NQO2: variants seen among roughly 807,000 people sequenced by gnomAD.
NQO2 encodes the protein N-ribosyldihydronicotinamide:quinone dehydrogenase 2.
Under a neutral mutation model 22.0 loss-of-function variants are expected in NQO2, and 18 were observed. That is an observed-to-expected ratio of 0.82 (90% CI 0.56 to 1.21). NQO2 has a LOEUF of 1.21. NQO2 is among the 50% of genes most tolerant of loss of function. The probability of loss-of-function intolerance (pLI) is 0.00; values close to 1 mark genes in which losing one functional copy is unlikely to be tolerated. For synonymous variants in NQO2, 106 were observed against 110.8 expected (o/e 0.96, Z 0.28); for missense variants, 267 against 286.9 (o/e 0.93, Z 0.50).
chr6:3,018,856 A>C (rs1757430303), intron 6 of NQO2, among the ~76,000 whole-genome samples: 1 of 151,120 alleles, frequency 6.6e-6, no homozygotes, highest in Non-Finnish European at 1.5e-5. Context: ...AGTTTGCAGA[A>C]GTACATATTA....
At chr6:3,016,168 C>T (rs927340875) in intron 5 of NQO2, among the ~76,000 whole-genome samples, 8 of 152,176 alleles carry the variant, frequency 5.3e-5, no homozygotes, top group African/African-American at 9.7e-5. Context: ...CAGTGGCTCA[C>T]GCCTGTAATC....
intron 1 of NQO2, chr6:3,005,528 T>C: frequency 2.5e-6 from 1 of 396,216 alleles, no homozygotes; most frequent in Non-Finnish European, 3.4e-6. Flanking sequence ...TTACTGACCA[T>C]TCATACATCT....
At chr6:3,010,829 A>C (rs73718911) in intron 3 of NQO2, among the ~76,000 whole-genome samples, 4 of 152,214 alleles carry the variant, frequency 2.6e-5, no homozygotes, top group South Asian at 2.1e-4. Flanking sequence ...CTACCATGCT[A>C]TCCCCTTTGG....
At position 3,006,934 on chromosome 6, in the gene NQO2, G is replaced by T; in HGVS notation, c.7+375G>T. ...GTGAATGAACCCCAGGAGGCATCTT[G>T]GGTAAAAATTCAGTACGATTCTATC... On this transcript the variant is annotated intron_variant, in intron 2 of 6. Transcript: ENST00000380455. This position sits in a 1 kb window ranked among gnomAD's most constrained non-coding sequence, Gnocchi z 4.0. 1 of 404,070 alleles carries T rather than the reference G, an allele frequency of 2.5e-6. No individual in the cohort carries two copies. The highest frequency in any genetic ancestry group is 4.4e-6 in the Non-Finnish European group (1 of 229,210). 25.0% of individuals were successfully genotyped at this position (404,070 alleles called of 1,614,324 possible).
chr6:3,009,203 G>A (rs553414712), intron 2 of NQO2, among the ~76,000 whole-genome samples: 6 of 152,264 alleles, frequency 3.9e-5, no homozygotes, highest in Non-Finnish European at 5.9e-5. Flanking sequence ...CCTCAGGGAC[G>A]CATTCTCTTT....
chr6:3,007,656 C>A (rs1295247937), intron 2 of NQO2, among the ~76,000 whole-genome samples: 3 of 152,368 alleles, frequency 2.0e-5, no homozygotes. Flanking sequence ...GAGGAAAATA[C>A]TGCTTCAGAA....
rs570338083 is a variant in NQO2, at chr6:3,002,986, G to A, written c.-86+2901G>A. 2.0e-5 allele frequency among the ~76,000 whole-genome samples: 3 copies of A among 152,036 alleles called. No homozygotes were observed. The East Asian group carries it at 5.8e-4, about 30-fold the overall frequency. On this transcript the variant is annotated intron_variant, in intron 1 of 6. Transcript: ENST00000380455. ...GCCCGGGCTGGTCTCAAATTCCTAG[G>A]CTCAAGTGATCTCCTGCCTCAGCCT...
At chr6:3,008,713 C>T (rs968398286) in intron 2 of NQO2, among the ~76,000 whole-genome samples, 32 of 152,120 alleles carry the variant, frequency 2.1e-4, no homozygotes, top group Non-Finnish European at 3.5e-4. Context: ...AAGTGTCGGC[C>T]GGTCTGAGAA....
chr6:3,001,196 TCTC>T (rs1756701113), intron 1 of NQO2, among the ~76,000 whole-genome samples: 2 of 151,792 alleles, frequency 1.3e-5, no homozygotes, highest in African/African-American at 4.8e-5. Context: ...TTCAAGCTAT[TCTC>T]CTGCCTCAGT....
chr6:3,006,859 G>T lies in NQO2; in HGVS notation c.7+300G>T, dbSNP rs545871353. The T allele has an allele frequency of 3.0e-5, 13 of 435,998 alleles. No individual in the cohort carries two copies. Among genetic ancestry groups the T allele is most frequent in the Non-Finnish European group, 4.8e-5 (12 of 248,412 alleles). The allele number at this position is 435,998 out of a possible 1,614,324, so 27.0% of individuals were successfully genotyped here. A position where few individuals can be genotyped will look rare whatever the true frequency, so the allele number is the denominator to read the frequency against. Reference sequence around the variant, plus strand: ...GTGGGGCCCTGCCTATCCTGTCTTTGCTGTGCCTCCAGGCCCTGAAATTCT... The same window carrying T: ...GTGGGGCCCTGCCTATCCTGTCTTTTCTGTGCCTCCAGGCCCTGAAATTCT... On this transcript the variant is annotated intron_variant, in intron 2 of 6. Transcript: ENST00000380455. This position sits in a 1 kb window ranked among gnomAD's most constrained non-coding sequence, Gnocchi z 4.0.
chr6:3,004,655 G>C, intron 1 of NQO2: 1 of 985,070 alleles, frequency 1.0e-6, no homozygotes, highest in Non-Finnish European at 1.2e-6. Context: ...AGTCCTGGTG[G>C]GGATAAGCAC....
chr6:3,019,687 A>T lies in NQO2; in HGVS notation c.*32A>T, dbSNP rs758199393. 36 of 1,543,086 alleles carry T rather than the reference A, an allele frequency of 2.3e-5. No individual in the cohort carries two copies. Among genetic ancestry groups the T allele is most frequent in the Non-Finnish European group, 2.9e-5 (33 of 1,140,066 alleles). ...GGCACGTGGGCATCACGTAAGCAGC[A>T]CACTAGGAGGCCCAGGCGCAGGCAA... is the stretch of plus-strand genomic sequence containing the variant. On this transcript the variant is annotated 3_prime_UTR_variant, in exon 7 of 7. Transcript: ENST00000380455.
chr6:3,009,979 G>C, intron 2 of NQO2, 46 bp from the exon 3 acceptor site: 1 of 1,572,382 alleles, frequency 6.4e-7, no homozygotes, highest in Admixed American at 1.8e-5. Context: ...GAATTTAACA[G>C]AGAGAGGTTG....
chr6:3,017,034 A>G, intron 6 of NQO2, 49 bp downstream of exon 6: 1 of 1,597,292 alleles, frequency 6.3e-7, no homozygotes, highest in Non-Finnish European at 8.5e-7. Flanking sequence ...ACGCACACAC[A>G]GACACACACA....
At chr6:3,015,197 C>T (rs1352717049) in intron 4 of NQO2, 2 of 1,344,394 alleles carry the variant, frequency 1.5e-6, no homozygotes, top group African/African-American at 2.9e-5. Flanking sequence ...CATACTCTTC[C>T]TTTTGACTGG....
At chr6:3,012,509 C>T in intron 3 of NQO2, 35 bp from the exon 4 acceptor site, 4 of 1,613,054 alleles carry the variant, frequency 2.5e-6, no homozygotes, top group Non-Finnish European at 1.7e-6. Flanking sequence ...GGATGCCCAC[C>T]TAGGAGTGAG....
Position 3,009,050 on chromosome 6 carries a change from C to T in NQO2, c.8-975C>T, listed in dbSNP as rs935488647. The stretch of plus-strand genomic sequence containing the variant: ...GAGCCAGGGTTTGAGAGCAGACAAC[C>T]GATCTGACCAAAATTTATTAGGCAG... On this transcript the variant is annotated intron_variant, in intron 2 of 6. Transcript: ENST00000380455. Among the ~76,000 whole-genome samples the T allele has an allele frequency of 3.3e-5, 5 of 152,132 alleles. No individual in the cohort carries two copies. The South Asian group carries it at 6.2e-4, about 19-fold the overall frequency.
At chr6:3,016,430 C>CA (rs36118697) in intron 5 of NQO2, among the ~76,000 whole-genome samples, 3,020 of 85,636 alleles carry the variant, frequency 0.035, 72 homozygotes, top group African/African-American at 0.044. Context: ...GACTCTGTCT[C>CA]AAAAAAAAAA....
chr6:3,018,833 CT>C (rs61544075), intron 6 of NQO2, among the ~76,000 whole-genome samples: 8,393 of 141,826 alleles, frequency 0.059, 391 homozygotes, highest in African/African-American at 0.13. Context: ...TTAAAAAAAT[CT>C]TTTTTTTTTT....
Sources: allele counts gnomAD v4.1 joint callset (sites outside exome capture counted in the v4.1 genomes callset), GRCh38; gene constraint gnomAD v4.1.1; non-coding constraint Gnocchi (gnomAD v3.1); transcripts MANE v1.5; gene names NCBI Gene and HGNC (gene_info 2026-07-23, HGNC 2026-07-21).